EPHB2: variants seen among roughly 807,000 people sequenced by gnomAD.
The protein encoded by EPHB2 is ephrin type-B receptor 2.
In EPHB2, 18 loss-of-function variants were observed where a neutral mutation model predicts 96.4. The ratio of observed to expected loss-of-function variants is 0.19; its 90% CI spans 0.13 to 0.28. EPHB2 has a LOEUF of 0.28. Among genes scored for constraint, EPHB2 ranks in the 10% least tolerant of loss-of-function variants. The pLI, the probability that EPHB2 is intolerant of heterozygous loss-of-function variation, is 1.00. For missense variants in EPHB2, 989 were observed against 1,355.4 expected (o/e 0.73, Z 4.25); for synonymous variants, 506 against 534.1 (o/e 0.95, Z 0.72).
intron 1 of EPHB2, among the ~76,000 whole-genome samples, chr1:22,729,821 T>C (rs778149639): frequency 6.6e-6 from 1 of 152,250 alleles, no homozygotes; most frequent in Non-Finnish European, 1.5e-5. Context: ...GGGACCATGA[T>C]CCAATTGCTT....
chr1:22,774,824 C>T (rs780159857), intron 1 of EPHB2, among the ~76,000 whole-genome samples: 7 of 152,114 alleles, frequency 4.6e-5, no homozygotes, highest in Admixed American at 1.3e-4. Context: ...GAGGGTACAG[C>T]GGTGAACAAG....
At chr1:22,727,474 AGTACCTTGCTG>A (rs752823801) in intron 1 of EPHB2, among the ~76,000 whole-genome samples, 10 of 152,344 alleles carry the variant, frequency 6.6e-5, no homozygotes, top group Non-Finnish European at 7.3e-5. Flanking sequence ...AATGGTTGCC[AGTACCTTGCTG>A]GGCCTCAGCT....
In EPHB2 at chr1:22,784,880, C is replaced by T; in HGVS notation, c.615C>T (p.Ala205=). The T allele has an allele frequency of 1.9e-6, 3 of 1,613,680 alleles. No homozygotes were observed. Among genetic ancestry groups the T allele is most frequent in the Non-Finnish European group, 2.5e-6 (3 of 1,179,868 alleles). Residue 205 remains alanine (A), a synonymous_variant, in exon 3 of 16, where the codon GCC becomes GCT. Transcript: ENST00000374630. This position sits in a 1 kb window ranked among gnomAD's most constrained non-coding sequence, Gnocchi z 5.1. ...RKCPRIIQNG[A]IFQETLSGAE... The stretch of plus-strand genomic sequence containing the variant: ...GCCCCCGCATCATCCAGAATGGCGC[C>T]ATCTTCCAGGAAACCCTGTCGGGGG...
At chr1:22,831,890 C>A (rs541758991) in intron 3 of EPHB2, among the ~76,000 whole-genome samples, 1 of 152,156 alleles carries the variant, frequency 6.6e-6, no homozygotes, top group Non-Finnish European at 1.5e-5. Context: ...TATCCACCCC[C>A]CTACCTAGCC....
At chr1:22,824,719 T>A (rs1178285107) in intron 3 of EPHB2, among the ~76,000 whole-genome samples, 1 of 152,254 alleles carries the variant, frequency 6.6e-6, no homozygotes, top group Non-Finnish European at 1.5e-5. Context: ...TGGAGTGCGA[T>A]GGTTCCAGTG....
In EPHB2 at chr1:22,759,134, C is replaced by T. The variant is rs372452073; in HGVS notation, c.62-22287C>T. Among the ~76,000 whole-genome samples the T allele has an allele frequency of 1.4e-4, 22 of 152,258 alleles. 1 individual carries two copies. Among genetic ancestry groups the T allele is most frequent in the African/African-American group, 5.1e-4 (21 of 41,550 alleles). On this transcript the variant is annotated intron_variant, in intron 1 of 15. Coordinates refer to ENST00000374630, the MANE Select transcript of EPHB2 (RefSeq NM_017449.5). ...CAGGTCTTTGCACTTGCTCCTTCCTCTCGGAACATTTTCCCCAGCTATTTT... is the reference window on the plus strand; with the variant it reads ...CAGGTCTTTGCACTTGCTCCTTCCTTTCGGAACATTTTCCCCAGCTATTTT...
At position 22,916,005 on chromosome 1, in the gene EPHB2, G is replaced by C. The variant is rs1336434968; in HGVS notation, c.*2435G>C. 2 of 152,476 alleles carry C rather than the reference G, an allele frequency of 1.3e-5. No homozygotes were observed. The highest frequency in any genetic ancestry group is 2.9e-5 in the Non-Finnish European group (2 of 68,236). The allele number at this position is 152,476 out of a possible 1,614,324, so 9.4% of individuals were successfully genotyped here. ...CGGGAGCCTGAGCTGCAAAGGGAAG[G>C]AAGGGATTAGAGAGAAGTGTGGGCC... On this transcript the variant is annotated 3_prime_UTR_variant, in exon 16 of 16. Transcript: ENST00000374630. The surrounding 1 kb of genome is among the most constrained non-coding windows in gnomAD (Gnocchi z 4.2).
chr1:22,844,720 G>A (rs1013210073), intron 3 of EPHB2, among the ~76,000 whole-genome samples: 1 of 152,188 alleles, frequency 6.6e-6, no homozygotes, highest in Non-Finnish European at 1.5e-5. Flanking sequence ...CTGAGGAGAC[G>A]AAGCTGGGCC....
chr1:22,765,111 G>A (rs1207194936), intron 1 of EPHB2, among the ~76,000 whole-genome samples: 2 of 152,122 alleles, frequency 1.3e-5, no homozygotes, highest in Admixed American at 1.3e-4. Flanking sequence ...TGAGGAGCCG[G>A]ACATTCTGGG....
At chr1:22,736,910 G>A (rs1351121435) in intron 1 of EPHB2, among the ~76,000 whole-genome samples, 1 of 152,158 alleles carries the variant, frequency 6.6e-6, no homozygotes, top group Non-Finnish European at 1.5e-5. Flanking sequence ...AGACCGATTG[G>A]CTCGGATCAG....
intron 9 of EPHB2, among the ~76,000 whole-genome samples, chr1:22,902,456 T>C (rs934138324): frequency 6.6e-6 from 1 of 152,200 alleles, no homozygotes; most frequent in Non-Finnish European, 1.5e-5. Context: ...GCTTTGGGTC[T>C]AAAGACCCCT....
chr1:22,796,129 A>G (rs1425931016), intron 3 of EPHB2, among the ~76,000 whole-genome samples: 1 of 152,244 alleles, frequency 6.6e-6, no homozygotes, highest in African/African-American at 2.4e-5. Flanking sequence ...TGAACAAAAC[A>G]GACAAAATAG....
chr1:22,740,371 G>A (rs769522676), intron 1 of EPHB2, among the ~76,000 whole-genome samples: 7 of 152,180 alleles, frequency 4.6e-5, no homozygotes, highest in Non-Finnish European at 1.0e-4. Context: ...CAATCAGGGT[G>A]TTTTCCACCC....
In EPHB2 at chr1:22,906,328, G is replaced by A. The variant is rs1639913388; in HGVS notation, c.1888+219G>A. 6.6e-6 allele frequency among the ~76,000 whole-genome samples: 1 copy of A among 152,178 alleles called. No individual in the cohort carries two copies. The highest frequency in any genetic ancestry group is 1.5e-5 in the Non-Finnish European group (1 of 68,034). ...AGAGGAAACTGAGGCACAGGGCTGG[G>A]AGGGGACATGCACAGTGAGTCAGAG... On this transcript the variant is annotated intron_variant, in intron 10 of 15. Coordinates refer to ENST00000374630, the MANE Select transcript of EPHB2 (RefSeq NM_017449.5). This position sits in a 1 kb window ranked among gnomAD's most constrained non-coding sequence, Gnocchi z 4.8.
intron 9 of EPHB2, 29 bp from the exon 10 acceptor site, chr1:22,905,958 A>G (rs776942606): frequency 3.1e-6 from 5 of 1,614,040 alleles, no homozygotes; most frequent in African/African-American, 1.3e-5. Flanking sequence ...GAGTCAGTCC[A>G]TATGACAGAG....
At chr1:22,863,962 A>G (rs559548575) in intron 4 of EPHB2, among the ~76,000 whole-genome samples, 12 of 152,056 alleles carry the variant, frequency 7.9e-5, no homozygotes, top group African/African-American at 2.7e-4. Flanking sequence ...CCCGGGCTCA[A>G]GGAATCTTCC....
At chr1:22,840,180 C>CT (rs1356746874) in intron 3 of EPHB2, among the ~76,000 whole-genome samples, 1 of 152,166 alleles carries the variant, frequency 6.6e-6, no homozygotes, top group East Asian at 1.9e-4. Context: ...TAGTGCCAAA[C>CT]TCATAGGGAT....
intron 9 of EPHB2, among the ~76,000 whole-genome samples, chr1:22,904,307 A>AAT (rs57512809): frequency 1.0e-5 from 1 of 98,062 alleles, no homozygotes; most frequent in African/African-American, 5.4e-5. Flanking sequence ...AAAAAAAAAA[A>AAT]TTAATTAAAA....
intron 1 of EPHB2, among the ~76,000 whole-genome samples, chr1:22,749,927 A>G (rs1644037070): frequency 6.6e-6 from 1 of 152,140 alleles, no homozygotes; most frequent in Admixed American, 6.5e-5. Flanking sequence ...TTGACAAAGG[A>G]CTTTCTTCTC....
Sources: gnomAD v4.1 joint callset for allele counts (sites outside exome capture counted in the v4.1 genomes callset) on GRCh38, gnomAD v4.1.1 for gene constraint, Gnocchi (gnomAD v3.1) non-coding constraint, MANE v1.5 for transcripts, NCBI Gene and HGNC (gene_info 2026-07-23, HGNC 2026-07-21) for gene names.